PTPN4: variants seen among roughly 807,000 people sequenced by gnomAD.
PTPN4 encodes the protein protein tyrosine phosphatase non-receptor type 4.
PTPN4 carries 49 observed loss-of-function variants against 135.5 expected under a neutral mutation model. The ratio of observed to expected loss-of-function variants is 0.36; its 90% CI spans 0.29 to 0.46. PTPN4 has a LOEUF of 0.46. Ranked by LOEUF, PTPN4 falls within the 20% of genes least tolerant of loss-of-function variation. PTPN4 has a pLI of 1.00. For missense variants in PTPN4, 860 were observed against 1,101.0 expected, an observed-to-expected ratio of 0.78 and a Z score of 3.10; for synonymous variants, 333 against 369.9, an observed-to-expected ratio of 0.90 and a Z score of 1.14.
At position 119,977,001 on chromosome 2, in the gene PTPN4, A is replaced by G. The variant is rs1354042841; in HGVS notation, c.2712A>G (p.Val904=). ...TTTTTCAGAGTCAATACAGATTTGT[A>G]TGTGAAGCTATTTTGAAAGTTTATG... ...MIQTPSQYRF[V]CEAILKVYEE... The change falls in exon 27 of 27, where the codon GTA becomes GTG. Residue 904 remains valine (V), a synonymous_variant. Transcript: ENST00000263708. 2 of 1,607,954 alleles carry G rather than the reference A, an allele frequency of 1.2e-6. No individual in the cohort carries two copies. Among genetic ancestry groups the G allele is most frequent in the Non-Finnish European group, 1.7e-6 (2 of 1,178,496 alleles).
chr2:119,976,833 A>G, intron 26 of PTPN4, 151 bp from the exon 27 acceptor site: 3 of 1,381,068 alleles, frequency 2.2e-6, no homozygotes, highest in Non-Finnish European at 2.9e-6. Context: ...TAACCAGTCT[A>G]GACTGTTAGT....
chr2:119,832,567 A>G (rs1677234519), intron 2 of PTPN4, among the ~76,000 whole-genome samples: 1 of 151,954 alleles, frequency 6.6e-6, no homozygotes, highest in Admixed American at 6.5e-5. Context: ...ATTTATATTG[A>G]ATTTTTCTGT....
chr2:119,952,853 T>C (rs1284088271), intron 19 of PTPN4, among the ~76,000 whole-genome samples: 1 of 152,228 alleles, frequency 6.6e-6, no homozygotes, highest in Non-Finnish European at 1.5e-5. Context: ...TCTACCAATA[T>C]AGATAGAGCA....
At chr2:119,884,620 A>C (rs1036810720) in intron 8 of PTPN4, among the ~76,000 whole-genome samples, 1 of 152,232 alleles carries the variant, frequency 6.6e-6, no homozygotes, top group Non-Finnish European at 1.5e-5. Flanking sequence ...TTTGAAGATA[A>C]GCCAGATTTT....
intron 26 of PTPN4, among the ~76,000 whole-genome samples, chr2:119,972,825 T>C (rs1375422129): frequency 6.6e-6 from 1 of 152,160 alleles, no homozygotes; most frequent in Non-Finnish European, 1.5e-5. Flanking sequence ...GTTTTTGGTC[T>C]TTTATTCTAT....
chr2:119,815,344 T>G (rs1365239312), intron 2 of PTPN4, among the ~76,000 whole-genome samples: 1 of 152,220 alleles, frequency 6.6e-6, no homozygotes, highest in African/African-American at 2.4e-5. Context: ...TGACTAGTAT[T>G]ATGCATTTAG....
intron 1 of PTPN4, among the ~76,000 whole-genome samples, chr2:119,767,259 C>A (rs972709428): frequency 1.3e-5 from 2 of 152,170 alleles, no homozygotes; most frequent in African/African-American, 4.8e-5. Flanking sequence ...GAAACAACCT[C>A]ATCATCTCTC....
chr2:119,841,920 G>C (rs1178673495), intron 2 of PTPN4, among the ~76,000 whole-genome samples: 1 of 152,172 alleles, frequency 6.6e-6, no homozygotes, highest in Non-Finnish European at 1.5e-5. Context: ...ATTTTAACTA[G>C]ATTCAGGGTG....
chr2:119,796,860 TTGTG>T (rs112883330), intron 1 of PTPN4, among the ~76,000 whole-genome samples: 115,106 of 147,526 alleles, frequency 0.78, 46,860 homozygotes, highest in East Asian at 0.93. Flanking sequence ...GTCACTGTTT[TTGTG>T]TGTGTGTGTG....
At chr2:119,956,717 A>G (rs1679292754) in intron 20 of PTPN4, 127 bp from the exon 21 acceptor site, 1 of 1,460,378 alleles carries the variant, frequency 6.8e-7, no homozygotes, top group Non-Finnish European at 9.2e-7. Context: ...ATGGTATATC[A>G]TTGTATAGAT....
intron 2 of PTPN4, among the ~76,000 whole-genome samples, chr2:119,821,464 T>C (rs990372640): frequency 6.6e-6 from 1 of 152,180 alleles, no homozygotes; most frequent in Non-Finnish European, 1.5e-5. Flanking sequence ...GAATTAGTAA[T>C]AGTATTATGA....
At chr2:119,925,536 C>T (rs1251074631) in intron 12 of PTPN4, among the ~76,000 whole-genome samples, 1 of 151,902 alleles carries the variant, frequency 6.6e-6, no homozygotes, top group Non-Finnish European at 1.5e-5. Context: ...AAAACTTATC[C>T]AAAGCACTTT....
At chr2:119,955,983 T>A (rs966620045) in intron 20 of PTPN4, among the ~76,000 whole-genome samples, 6 of 131,354 alleles carry the variant, frequency 4.6e-5, no homozygotes, top group African/African-American at 1.6e-4. Context: ...AATAAATAAA[T>A]AAAATCCTGA....
chr2:119,980,945 A>C lies in PTPN4; in HGVS notation c.*3875A>C, dbSNP rs919723108. 6.6e-6 allele frequency: 1 copy of C among 152,102 alleles called. No individual in the cohort carries two copies. The highest frequency in any genetic ancestry group is 2.4e-5 in the African/African-American group (1 of 41,460). 9.4% of individuals were successfully genotyped at this position (152,102 alleles called of 1,614,324 possible). ...AATAATTTGTGTTCATAATGTGAACATGTAAGATAAGTAAATAAAGCATTA... is the reference window on the plus strand; with the variant it reads ...AATAATTTGTGTTCATAATGTGAACCTGTAAGATAAGTAAATAAAGCATTA... On this transcript the variant is annotated 3_prime_UTR_variant, in exon 27 of 27. Coordinates refer to ENST00000263708, the MANE Select transcript of PTPN4 (RefSeq NM_002830.4).
chr2:119,837,827 C>T (rs115224450), intron 2 of PTPN4, among the ~76,000 whole-genome samples: 3 of 152,366 alleles, frequency 2.0e-5, no homozygotes, highest in African/African-American at 4.8e-5. Context: ...GTGCCCGCAT[C>T]GGAAGTCTCG....
intron 26 of PTPN4, among the ~76,000 whole-genome samples, chr2:119,975,845 C>G (rs1041766064): frequency 1.1e-4 from 17 of 151,872 alleles, no homozygotes; most frequent in Non-Finnish European, 1.9e-4. Context: ...TAATTATATG[C>G]TATATTTACA....
At chr2:119,926,748 C>A in intron 13 of PTPN4, 82 bp downstream of exon 13, 1 of 1,085,346 alleles carries the variant, frequency 9.2e-7, no homozygotes, top group Non-Finnish European at 1.3e-6. Flanking sequence ...AATATTTTTT[C>A]TAAAGTTTTT....
intron 9 of PTPN4, among the ~76,000 whole-genome samples, chr2:119,895,669 C>A (rs1387161568): frequency 6.6e-6 from 1 of 151,896 alleles, no homozygotes; most frequent in Non-Finnish European, 1.5e-5. Flanking sequence ...CGCCTGTAAT[C>A]CCAGCACTTT....
chr2:119,807,477 G>T (rs929702654), intron 1 of PTPN4, among the ~76,000 whole-genome samples: 2 of 152,164 alleles, frequency 1.3e-5, no homozygotes, highest in African/African-American at 2.4e-5. Context: ...AAATCTAGAA[G>T]AAATGGATAA....
Sources: gnomAD v4.1 joint callset for allele counts (sites outside exome capture counted in the v4.1 genomes callset) on GRCh38, gnomAD v4.1.1 for gene constraint, MANE v1.5 for transcripts, NCBI Gene and HGNC (gene_info 2026-07-23, HGNC 2026-07-21) for gene names.